The following BCAS3 variants were observed in gnomAD, a reference collection of about 807,000 sequenced individuals.
The protein encoded by BCAS3 is BCAS4/BCAS3 fusion.
BCAS3 carries 53 observed loss-of-function variants against 116.1 expected under a neutral mutation model. The ratio of observed to expected loss-of-function variants is 0.46; its 90% confidence interval spans 0.37 to 0.57. The LOEUF is 0.57. Among genes scored for constraint, BCAS3 ranks in the 20% least tolerant of loss-of-function variants. The pLI is 0.00. For synonymous variants in BCAS3, 391 were observed against 408.2 expected, an observed-to-expected ratio of 0.96 and a Z score of 0.51; for missense variants, 917 against 1,165.4, an observed-to-expected ratio of 0.79 and a Z score of 3.10.
rs547504243 is a variant in BCAS3, at chr17:61,060,689, G to A, written c.2030-14231G>A. Among the ~76,000 whole-genome samples, 46 of 152,272 alleles carry A rather than the reference G, an allele frequency of 3.0e-4. No homozygotes were observed. The Middle Eastern group carries it at 0.01, about 34-fold the overall frequency. ...AAAAATTATTGGAGAAACGTTAGAC[G>A]TACATAGTACACAGTTAGTTGTATA... On this transcript the variant is annotated intron_variant, in intron 19 of 23. Transcript: ENST00000407086.
At chr17:60,880,961 T>TTTTGG (rs2056079887) in intron 9 of BCAS3, among the ~76,000 whole-genome samples, 2 of 151,492 alleles carry the variant, frequency 1.3e-5, no homozygotes, top group African/African-American at 4.9e-5. Context: ...CTTTTTTTTG[T>TTTTGG]TTTGTTTTGT....
At chr17:61,168,932 A>C (rs2078678031) in intron 22 of BCAS3, among the ~76,000 whole-genome samples, 1 of 152,224 alleles carries the variant, frequency 6.6e-6, no homozygotes, top group Non-Finnish European at 1.5e-5. Context: ...TAATGCCCAC[A>C]AATGGAAAAG....
intron 6 of BCAS3, among the ~76,000 whole-genome samples, chr17:60,773,026 A>T (rs546075108): frequency 1.3e-3 from 204 of 152,190 alleles, no homozygotes; most frequent in Non-Finnish European, 2.0e-3. Context: ...TTAGTTTTGT[A>T]AGATACTGCA....
At chr17:60,863,523 G>A (rs2054331890) in intron 7 of BCAS3, among the ~76,000 whole-genome samples, 1 of 151,972 alleles carries the variant, frequency 6.6e-6, no homozygotes, top group African/African-American at 2.4e-5. Flanking sequence ...AAGGTGGGGG[G>A]CTTGCTTGAA....
At chr17:61,062,862 T>C (rs908683420) in intron 19 of BCAS3, among the ~76,000 whole-genome samples, 1 of 152,158 alleles carries the variant, frequency 6.6e-6, no homozygotes, top group Non-Finnish European at 1.5e-5. Flanking sequence ...AAAAGAAGTC[T>C]GAAGGAGCCA....
intron 5 of BCAS3, among the ~76,000 whole-genome samples, chr17:60,710,471 G>T (rs185020574): frequency 7.0e-4 from 91 of 130,138 alleles, no homozygotes; most frequent in Non-Finnish European, 1.3e-3. Flanking sequence ...TCACTCTGTT[G>T]CCCAGGCTGG....
chr17:61,039,487 A>C (rs777442856), intron 18 of BCAS3, among the ~76,000 whole-genome samples: 20 of 151,256 alleles, frequency 1.3e-4, no homozygotes, highest in Non-Finnish European at 2.7e-4. Flanking sequence ...CAGTGGCGTG[A>C]TCTCGGCTCA....
At chr17:60,837,994 A>G (rs1489025548) in intron 7 of BCAS3, among the ~76,000 whole-genome samples, 1 of 152,198 alleles carries the variant, frequency 6.6e-6, no homozygotes, top group Non-Finnish European at 1.5e-5. Flanking sequence ...AAAATTTAAC[A>G]TTTAAATTAA....
intron 13 of BCAS3, among the ~76,000 whole-genome samples, chr17:60,924,962 A>G (rs754410469): frequency 6.7e-6 from 1 of 149,868 alleles, no homozygotes; most frequent in East Asian, 2.0e-4. Flanking sequence ...ACATTTTGTT[A>G]TATCTTTTTA....
Position 61,380,020 on chromosome 17 carries a change from T to G in BCAS3, c.2593+11526T>G, listed in dbSNP as rs1365186937. The G allele has an allele frequency of 6.2e-6, 1 of 160,294 alleles. No individual in the cohort carries two copies. Among genetic ancestry groups the G allele is most frequent in the Non-Finnish European group, 1.4e-5 (1 of 72,838 alleles). The allele number at this position is 160,294 out of a possible 1,614,324, so 9.9% of individuals were successfully genotyped here. On this transcript the variant is annotated intron_variant, in intron 23 of 23. Coordinates refer to ENST00000407086, the MANE Select transcript of BCAS3 (RefSeq NM_017679.5). This position sits in a 1 kb window ranked among gnomAD's most constrained non-coding sequence, Gnocchi z 4.2. ...TAAGGCCTGGAGTTTCTCGGTTTCA[T>G]GCGTTATCCATCCCCGACCACTGAG...
chr17:60,989,291 ATAAG>A (rs1275047748), intron 14 of BCAS3, among the ~76,000 whole-genome samples: 3 of 152,122 alleles, frequency 2.0e-5, no homozygotes, highest in Admixed American at 6.5e-5. Flanking sequence ...TTTTTCTGAA[ATAAG>A]TAAGTGGAGA....
In BCAS3 at chr17:61,023,819, C is replaced by T. The variant is rs2145564380; in HGVS notation, c.1637+7918C>T. 6.6e-6 allele frequency among the ~76,000 whole-genome samples: 1 copy of T among 152,008 alleles called. No homozygotes were observed. Among genetic ancestry groups the T allele is most frequent in the South Asian group, 2.1e-4 (1 of 4,804 alleles). On this transcript the variant is annotated intron_variant, in intron 16 of 23. Coordinates refer to ENST00000407086, the MANE Select transcript of BCAS3 (RefSeq NM_017679.5). The surrounding 1 kb of genome is among the most constrained non-coding windows in gnomAD (Gnocchi z 4.8). ...ATTTTTAGTCTCTTGACCAGATTTT[C>T]CTGAGATTTGAAAATCAGAATTCAG...
chr17:60,846,178 C>A (rs965334993), intron 7 of BCAS3, among the ~76,000 whole-genome samples: 7 of 152,186 alleles, frequency 4.6e-5, no homozygotes, highest in African/African-American at 1.7e-4. Flanking sequence ...GATCCTCCTG[C>A]CTTGATCTCC....
chr17:60,769,707 C>G (rs1783725974), intron 6 of BCAS3, among the ~76,000 whole-genome samples: 1 of 152,146 alleles, frequency 6.6e-6, no homozygotes, highest in African/African-American at 2.4e-5. Context: ...GCCCTGCCTC[C>G]TGTCTCTCTC....
intron 22 of BCAS3, among the ~76,000 whole-genome samples, chr17:61,237,362 C>G (rs1047095376): frequency 3.9e-5 from 6 of 152,104 alleles, no homozygotes; most frequent in Non-Finnish European, 7.3e-5. Context: ...AGTAGCCAAT[C>G]GCAAGGAGGA....
intron 13 of BCAS3, among the ~76,000 whole-genome samples, chr17:60,925,109 C>T (rs757365256): frequency 6.6e-6 from 1 of 151,926 alleles, no homozygotes; most frequent in African/African-American, 2.4e-5. Context: ...AAGATAAAGA[C>T]AGAGTCTCAC....
chr17:60,682,586 G>A (rs1174539238), intron 2 of BCAS3, among the ~76,000 whole-genome samples: 3 of 152,002 alleles, frequency 2.0e-5, no homozygotes, highest in South Asian at 2.1e-4. Flanking sequence ...GCAGTGGCGC[G>A]GTCTTGACTC....
chr17:61,260,940 C>G (rs1213791847), intron 22 of BCAS3, among the ~76,000 whole-genome samples: 2 of 152,100 alleles, frequency 1.3e-5, no homozygotes, highest in African/African-American at 4.8e-5. Context: ...AGCAACAACT[C>G]TAGATGAGGA....
In BCAS3 at chr17:60,686,925, AC is replaced by A. The variant is rs2034140108; in HGVS notation, c.139-2759del. ...TACATTTTCAGTGTAAAAACTTGTAACCAGCTTAAATGTCAATTAATAAGCA... is the reference window on the plus strand; with the variant it reads ...TACATTTTCAGTGTAAAAACTTGTAACAGCTTAAATGTCAATTAATAAGCA... On this transcript the variant is annotated intron_variant, in intron 3 of 23. Transcript: ENST00000407086. Among the ~76,000 whole-genome samples the A allele has an allele frequency of 2.0e-5, 3 of 152,352 alleles. No homozygotes were observed. The East Asian group carries it at 5.8e-4, about 29-fold the overall frequency.
Sources: gnomAD v4.1 joint callset for allele counts (sites outside exome capture counted in the v4.1 genomes callset) on GRCh38, gnomAD v4.1.1 for gene constraint, Gnocchi (gnomAD v3.1) non-coding constraint, MANE v1.5 for transcripts, NCBI Gene and HGNC (gene_info 2026-07-23, HGNC 2026-07-21) for gene names.